ZNF385D: variants seen among roughly 807,000 people sequenced by gnomAD.
ZNF385D encodes the protein zinc finger protein 385D, also known as zinc finger protein 659.
In ZNF385D, 15 loss-of-function variants were observed where a neutral mutation model predicts 35.8. The ratio of observed to expected loss-of-function variants is 0.42; its 90% CI spans 0.28 to 0.64. The LOEUF is 0.64. Among genes scored for constraint, ZNF385D ranks in the 30% least tolerant of loss-of-function variants. ZNF385D has a pLI of 0.23. For synonymous variants in ZNF385D, 212 were observed against 186.8 expected (o/e 1.13, Z -1.10); for missense variants, 474 against 494.6 (o/e 0.96, Z 0.39).
intron 4 of ZNF385D, among the ~76,000 whole-genome samples, chr3:21,455,270 A>G (rs1702725275): frequency 6.6e-6 from 1 of 152,242 alleles, no homozygotes; most frequent in African/African-American, 2.4e-5. Flanking sequence ...AAGAACCCGC[A>G]TCGCCAAGTC....
At chr3:22,179,109 C>T (rs534324215) in intron 2 of ZNF385D, among the ~76,000 whole-genome samples, 4 of 152,150 alleles carry the variant, frequency 2.6e-5, no homozygotes, top group African/African-American at 4.8e-5. Flanking sequence ...TAGTTTTTTC[C>T]AGTTCTGTGA....
intron 3 of ZNF385D, among the ~76,000 whole-genome samples, chr3:21,908,161 T>TCTATCTAC (rs1553696876): frequency 6.0e-5 from 9 of 150,402 alleles, no homozygotes; most frequent in African/African-American, 2.2e-4. Flanking sequence ...TATCTATCTA[T>TCTATCTAC]CTATCTATCT....
intron 1 of ZNF385D, among the ~76,000 whole-genome samples, chr3:21,718,067 T>C (rs747287051): frequency 5.3e-5 from 8 of 152,152 alleles, no homozygotes; most frequent in Non-Finnish European, 8.8e-5. Context: ...GGTGATTCTG[T>C]TGTTGCTGGT....
At chr3:21,916,257 A>G (rs1232927860) in intron 3 of ZNF385D, among the ~76,000 whole-genome samples, 2 of 152,176 alleles carry the variant, frequency 1.3e-5, no homozygotes, top group Admixed American at 6.5e-5. Flanking sequence ...GCTTTTCTAG[A>G]TAGATTTTGT....
rs1700574158 is a variant in ZNF385D at position 21,417,188 on chromosome 3, A to G, written c.*4026T>C. The G allele has an allele frequency of 2.0e-5, 3 of 152,270 alleles. No individual in the cohort carries two copies. Among genetic ancestry groups the G allele is most frequent in the African/African-American group, 7.2e-5 (3 of 41,568 alleles). 9.4% of individuals were successfully genotyped at this position (152,270 alleles called of 1,614,324 possible). On this transcript the variant is annotated 3_prime_UTR_variant, in exon 8 of 8. Coordinates refer to ENST00000281523, the MANE Select transcript of ZNF385D (RefSeq NM_024697.3). ...GAGTAGCTGCATTGGTCACTCGAATAAAGAATTTTTATTCCTGAGAGGATA... is the reference window on the plus strand; with the variant it reads ...GAGTAGCTGCATTGGTCACTCGAATGAAGAATTTTTATTCCTGAGAGGATA...
chr3:21,610,140 C>T lies in ZNF385D; in HGVS notation c.166-45456G>A, dbSNP rs2064623694. On this transcript the variant is annotated intron_variant, in intron 2 of 7. Transcript: ENST00000281523. ...AGGACAATTTAGGCAACAGTCGCAT[C>T]TACCAAAAAAAAAATGTGTTTATGC... Among the ~76,000 whole-genome samples, 6 of 95,808 alleles carry T rather than the reference C, an allele frequency of 6.3e-5. No homozygotes were observed. In the South Asian group the frequency reaches 2.5e-3, roughly 40 times the overall value. 62.9% of individuals were successfully genotyped at this position (95,808 alleles called of 152,430 possible).
chr3:21,955,232 C>T (rs1035808169), intron 3 of ZNF385D, among the ~76,000 whole-genome samples: 1 of 152,146 alleles, frequency 6.6e-6, no homozygotes, highest in Non-Finnish European at 1.5e-5. Context: ...GCTTATCCTT[C>T]TTGCTGGCTC....
At chr3:21,563,723 TGGAGCCTTCTGTTTGCCTA>T (rs1256357813) in intron 3 of ZNF385D, among the ~76,000 whole-genome samples, 2 of 152,188 alleles carry the variant, frequency 1.3e-5, no homozygotes. Flanking sequence ...CTCGATAGGA[TGGAGCCTTCTGTTTGCCTA>T]GAGTGTGAAT....
intron 3 of ZNF385D, among the ~76,000 whole-genome samples, chr3:22,139,693 C>T (rs1031807967): frequency 6.6e-6 from 1 of 151,832 alleles, no homozygotes; most frequent in African/African-American, 2.4e-5. Context: ...TGCAGTACAC[C>T]GACATGGCAC....
chr3:21,856,956 G>A (rs1019678949), intron 3 of ZNF385D, among the ~76,000 whole-genome samples: 3 of 152,104 alleles, frequency 2.0e-5, no homozygotes, highest in African/African-American at 4.8e-5. Context: ...CTAAGTGGAG[G>A]TAAGGTAAAT....
intron 3 of ZNF385D, among the ~76,000 whole-genome samples, chr3:21,848,585 T>A (rs1696167117): frequency 6.6e-6 from 1 of 151,560 alleles, no homozygotes; most frequent in African/African-American, 2.4e-5. Context: ...ATACAAAGAA[T>A]CAAAAGAGAC....
chr3:21,820,179 G>T (rs1179708954), intron 3 of ZNF385D, among the ~76,000 whole-genome samples: 1 of 151,662 alleles, frequency 6.6e-6, no homozygotes, highest in Admixed American at 6.6e-5. Flanking sequence ...TTAAAGCCCA[G>T]TTGGAACATT....
chr3:21,870,742 C>T (rs1266605948), intron 3 of ZNF385D, among the ~76,000 whole-genome samples: 1 of 152,064 alleles, frequency 6.6e-6, no homozygotes, highest in Non-Finnish European at 1.5e-5. Flanking sequence ...TATGTATGTA[C>T]ACCCCATTTC....
At chr3:21,752,012 C>A (rs1201190354), upstream of ZNF385D, among the ~76,000 whole-genome samples, 1 of 93,800 alleles carries the variant, frequency 1.1e-5, no homozygotes, top group African/African-American at 3.9e-5. Flanking sequence ...CACCCACCCC[C>A]CTCCCCCCCC....
At chr3:22,318,517 G>C (rs570954435) in intron 2 of ZNF385D, among the ~76,000 whole-genome samples, 1 of 152,118 alleles carries the variant, frequency 6.6e-6, no homozygotes, top group African/African-American at 2.4e-5. Context: ...TTAAATTTGA[G>C]TACAAATGTT....
chr3:21,839,046 A>T (rs1443428264), intron 3 of ZNF385D, among the ~76,000 whole-genome samples: 1 of 152,100 alleles, frequency 6.6e-6, no homozygotes, highest in East Asian at 1.9e-4. Flanking sequence ...AAATATTTTT[A>T]ATAATAATTA....
intron 3 of ZNF385D, among the ~76,000 whole-genome samples, chr3:21,527,673 G>C (rs755844847): frequency 6.6e-6 from 1 of 151,992 alleles, no homozygotes; most frequent in Non-Finnish European, 1.5e-5. Flanking sequence ...CCTAGTGTCT[G>C]TAATGGCCAT....
Position 22,094,385 on chromosome 3 carries a change from G to GAGATATATATAT in ZNF385D, c.325+74431_325+74432insATATATATATCT, listed in dbSNP as rs1491256865. 2.2e-3 allele frequency among the ~76,000 whole-genome samples: 158 copies of GAGATATATATAT among 70,812 alleles called. 2 individuals are homozygous for GAGATATATATAT. Among genetic ancestry groups the GAGATATATATAT allele is most frequent in the African/African-American group, 4.8e-3 (111 of 23,196 alleles). 46.5% of individuals were successfully genotyped at this position (70,812 alleles called of 152,430 possible). ...CCATTGTCTTCTGTCATTTATTGTT[G>GAGATATATATAT]ATATATATATATATATATATATATA... On this transcript the variant is annotated intron_variant, in intron 3 of 5. Transcript: ENST00000494108.
At chr3:21,457,111 T>C (rs1362508945) in intron 4 of ZNF385D, among the ~76,000 whole-genome samples, 4 of 152,218 alleles carry the variant, frequency 2.6e-5, no homozygotes, top group African/African-American at 4.8e-5. Context: ...TACCAAAACA[T>C]AATAGATTCC....
Sources: allele counts gnomAD v4.1 joint callset (sites outside exome capture counted in the v4.1 genomes callset), GRCh38; gene constraint gnomAD v4.1.1; transcripts MANE v1.5; gene names NCBI Gene and HGNC (gene_info 2026-07-23, HGNC 2026-07-21).